The following TUBA1C variants were observed in gnomAD, a reference collection of about 807,000 sequenced individuals.
TUBA1C encodes tubulin alpha-1C chain.
In TUBA1C, 16 loss-of-function variants were observed where a neutral mutation model predicts 34.9. The ratio of observed to expected loss-of-function variants is 0.46; its 90% CI spans 0.31 to 0.70. The LOEUF (loss-of-function observed/expected upper bound fraction) is 0.70. Among genes scored for constraint, TUBA1C ranks in the 30% least tolerant of loss-of-function variants. TUBA1C has a pLI of 0.05. For missense variants in TUBA1C, 329 were observed against 587.3 expected (o/e 0.56, Z 4.55); for synonymous variants, 177 against 215.9 (o/e 0.82, Z 1.58).
At chr12:49,271,971 CTT>C (rs113867895) in intron 3 of TUBA1C, among the ~76,000 whole-genome samples, 22 of 143,486 alleles carry the variant, frequency 1.5e-4, no homozygotes, top group Admixed American at 1.4e-4. Context: ...CACTTAAAAG[CTT>C]TTTTTTTTTT....
chr12:49,249,593 C>T (rs1942712258), intron 1 of TUBA1C, among the ~76,000 whole-genome samples: 2 of 152,118 alleles, frequency 1.3e-5, no homozygotes, highest in African/African-American at 4.8e-5. Context: ...GTCGTGGTGG[C>T]TCACACCTAT....
chr12:49,234,595 C>T (rs1272904309), intron 1 of TUBA1C, among the ~76,000 whole-genome samples: 1 of 152,202 alleles, frequency 6.6e-6, no homozygotes, highest in Middle Eastern at 3.2e-3. Flanking sequence ...GCTCTGTCCC[C>T]GGTGACCAGC....
chr12:49,231,623 T>C (rs1008175449), intron 1 of TUBA1C, among the ~76,000 whole-genome samples: 1 of 152,228 alleles, frequency 6.6e-6, no homozygotes, highest in African/African-American at 2.4e-5. Flanking sequence ...GGCGTAGTAT[T>C]GTGAACGTAT....
chr12:49,245,568 C>T (rs544373786), intron 1 of TUBA1C, among the ~76,000 whole-genome samples: 21 of 152,316 alleles, frequency 1.4e-4, no homozygotes, highest in African/African-American at 5.1e-4. Flanking sequence ...CTGATCACTG[C>T]ACCCCAACCT....
chr12:49,244,976 A>G (rs1000389283), intron 1 of TUBA1C, among the ~76,000 whole-genome samples: 1 of 152,196 alleles, frequency 6.6e-6, no homozygotes, highest in Admixed American at 6.6e-5. Context: ...CAAGACTTGG[A>G]GAAGATAAAT....
intron 1 of TUBA1C, among the ~76,000 whole-genome samples, chr12:49,249,936 C>T (rs1942715451): frequency 6.6e-6 from 1 of 152,026 alleles, no homozygotes; most frequent in African/African-American, 2.4e-5. Context: ...GTGGCTTATG[C>T]CTGTAATTCC....
chr12:49,270,781 C>T (rs1415499356), intron 3 of TUBA1C, among the ~76,000 whole-genome samples: 2 of 152,088 alleles, frequency 1.3e-5, no homozygotes, highest in South Asian at 2.1e-4. Flanking sequence ...GAGATCGAGA[C>T]CATCCTGGCT....
upstream of TUBA1C, among the ~76,000 whole-genome samples, chr12:49,260,526 G>C (rs1201468171): frequency 6.6e-6 from 1 of 152,218 alleles, no homozygotes; most frequent in Non-Finnish European, 1.5e-5. Flanking sequence ...TCAAATCAGG[G>C]AGGAAGAGAA....
At chr12:49,259,557 G>A (rs988805710) in intron 1 of TUBA1C, among the ~76,000 whole-genome samples, 1 of 152,284 alleles carries the variant, frequency 6.6e-6, no homozygotes, top group African/African-American at 2.4e-5. Context: ...AATCGCCTAA[G>A]TATTCAGTAC....
chr12:49,243,424 G>A (rs374222919), intron 1 of TUBA1C, among the ~76,000 whole-genome samples: 1 of 152,148 alleles, frequency 6.6e-6, no homozygotes, highest in East Asian at 1.9e-4. Context: ...CTGGGTGACA[G>A]TGTGAGACTC....
chr12:49,264,975 G>C (rs1447975470), upstream of TUBA1C: 5 of 630,800 alleles, frequency 7.9e-6, no homozygotes, highest in Non-Finnish European at 9.1e-6. Flanking sequence ...GCAGGCCAGG[G>C]CTCGAAGGTG....
exon 1 of TUBA1C, chr12:49,227,974 G>T: frequency 6.5e-7 from 1 of 1,535,690 alleles, no homozygotes; most frequent in South Asian, 1.2e-5. Context: ...GGTTCAATGG[G>T]GTGGAGGAGC....
chr12:49,269,786 C>G lies in TUBA1C; in HGVS notation c.227-42C>G, dbSNP rs200135182. ...TGGTCACTCACCCACTCTCCCTCCC[C>G]GCTCCTTGTCCCTCCTCCTCCTCCC... On this transcript the variant is annotated intron_variant, in intron 2 of 3. Transcript: ENST00000301072. 3.7e-6 allele frequency: 6 copies of G among 1,613,866 alleles called. No individual in the cohort carries two copies. In the South Asian group the frequency reaches 6.6e-5, roughly 18 times the overall value.
intron 1 of TUBA1C, among the ~76,000 whole-genome samples, chr12:49,247,290 C>T (rs376353016): frequency 4.6e-5 from 7 of 151,236 alleles, no homozygotes; most frequent in African/African-American, 1.7e-4. Context: ...GACTTGGTGG[C>T]TCATGCCTGT....
chr12:49,231,286 TC>T (rs1472491130), intron 1 of TUBA1C, among the ~76,000 whole-genome samples: 1 of 152,168 alleles, frequency 6.6e-6, no homozygotes, highest in East Asian at 1.9e-4. Context: ...TGTCTCACCC[TC>T]CCAAGGAGTT....
chr12:49,228,405 T>C (rs7974409), intron 1 of TUBA1C, among the ~76,000 whole-genome samples: 12,378 of 152,280 alleles, frequency 0.081, 570 homozygotes, highest in African/African-American at 0.12. Context: ...CAAATAGACA[T>C]ATTTTCAGAT....
upstream of TUBA1C, among the ~76,000 whole-genome samples, chr12:49,264,262 A>C (rs1049418682): frequency 2.0e-5 from 3 of 152,106 alleles, no homozygotes; most frequent in African/African-American, 7.2e-5. Flanking sequence ...GTTAGCAATC[A>C]AAAAATGTAA....
At position 49,273,332 on chromosome 12, in the gene TUBA1C, A is replaced by C. The variant is rs1943022003; in HGVS notation, c.*105A>C. On this transcript the variant is annotated 3_prime_UTR_variant, in exon 4 of 4. Coordinates refer to ENST00000301072, the MANE Select transcript of TUBA1C (RefSeq NM_032704.5). ...TTAATAAAATTGAAGTTTCCATTTT[A>C]AATGTCGAGCTGACTTAAATACTTG... 2 of 1,598,512 alleles carry C rather than the reference A, an allele frequency of 1.3e-6. No individual in the cohort carries two copies. The highest frequency in any genetic ancestry group is 2.2e-5 in the East Asian group (1 of 44,772).
At chr12:49,257,570 C>G (rs1015275687) in intron 1 of TUBA1C, among the ~76,000 whole-genome samples, 1 of 151,460 alleles carries the variant, frequency 6.6e-6, no homozygotes, top group African/African-American at 2.4e-5. Flanking sequence ...TTACTTGAGG[C>G]CAGGAGTTTG....
Sources: allele counts gnomAD v4.1 joint callset (sites outside exome capture counted in the v4.1 genomes callset), GRCh38; gene constraint gnomAD v4.1.1; transcripts MANE v1.5; gene names NCBI Gene and HGNC (gene_info 2026-07-23, HGNC 2026-07-21).